Variants in MICU1 observed in about 807,000 individuals in gnomAD.
MICU1 encodes the protein mitochondrial calcium uptake 1, also known as calcium uptake protein 1, mitochondrial.
In MICU1, 45 loss-of-function variants were observed where a neutral mutation model predicts 56.8. That is an observed-to-expected ratio of 0.79 (90% CI 0.62 to 1.02). The LOEUF is 1.02. MICU1 is among the 50% of genes least tolerant of loss of function. MICU1 has a pLI of 0.00. For synonymous variants in MICU1, 186 were observed against 195.1 expected, an observed-to-expected ratio of 0.95 and a Z score of 0.39; for missense variants, 504 against 587.1, an observed-to-expected ratio of 0.86 and a Z score of 1.46.
At chr10:72,422,371 T>C (rs1864203508) in intron 9 of MICU1, among the ~76,000 whole-genome samples, 1 of 152,218 alleles carries the variant, frequency 6.6e-6, no homozygotes, top group Non-Finnish European at 1.5e-5. Context: ...AAATTTTTCC[T>C]GTTAAAGCCA....
At chr10:72,371,386 CAAA>C (rs56014491) in intron 11 of MICU1, among the ~76,000 whole-genome samples, 8,141 of 91,422 alleles carry the variant, frequency 0.089, 506 homozygotes, top group African/African-American at 0.24. Flanking sequence ...GACTCCGTCT[CAAA>C]AAAAAAAAAA....
At chr10:72,512,238 A>C (rs575587682) in intron 5 of MICU1, among the ~76,000 whole-genome samples, 1 of 150,796 alleles carries the variant, frequency 6.6e-6, no homozygotes, top group African/African-American at 2.4e-5. Context: ...CAGCCTCCCA[A>C]GTAGCGGGAT....
chr10:72,429,419 C>CAA (rs34154785), intron 8 of MICU1, among the ~76,000 whole-genome samples: 67,517 of 112,838 alleles, frequency 0.6, 19,510 homozygotes, highest in Non-Finnish European at 0.69. Context: ...GATCCTGCCT[C>CAA]AAAAAAAAAA....
chr10:72,612,599 C>T (rs1841879984), intron 1 of MICU1, among the ~76,000 whole-genome samples: 1 of 152,080 alleles, frequency 6.6e-6, no homozygotes, highest in African/African-American at 2.4e-5. Context: ...AAGTTCCTAA[C>T]CACTCTGGGC....
intron 8 of MICU1, among the ~76,000 whole-genome samples, chr10:72,441,615 C>CTTTTTTT (rs71018287): frequency 2.2e-4 from 23 of 105,474 alleles, no homozygotes; most frequent in Non-Finnish European, 3.2e-4. Flanking sequence ...TTTAATTTTT[C>CTTTTTTT]TTTTTTTTTT....
chr10:72,597,776 GAT>G (rs1167805731), intron 1 of MICU1, among the ~76,000 whole-genome samples: 1 of 152,154 alleles, frequency 6.6e-6, no homozygotes, highest in African/African-American at 2.4e-5. Flanking sequence ...GTGCACAAAA[GAT>G]ATATTGCAGC....
intron 10 of MICU1, among the ~76,000 whole-genome samples, chr10:72,399,891 G>A (rs1467550914): frequency 1.3e-5 from 2 of 152,196 alleles, no homozygotes; most frequent in African/African-American, 4.8e-5. Flanking sequence ...CCAGGAGGCT[G>A]AGGTTGCAGT....
rs781494868 is a variant in MICU1, at chr10:72,508,231, G to A, written c.576C>T (p.Gly192=). The stretch of plus-strand genomic sequence containing the variant: ...ATTCTCCAAGGGTGTAAAATATACT[G>A]CCTTCATCAGCAAATTTTTCTCGTT... ...SQEREKFADE[G]SIFYTLGECG... is the part of the protein sequence containing the mutation. Residue 192 remains glycine, a synonymous_variant, in exon 6 of 12, where the codon GGC becomes GGT. Transcript: ENST00000361114. The A allele has an allele frequency of 3.9e-6, 6 of 1,529,374 alleles. No individual in the cohort carries two copies. The highest frequency in any genetic ancestry group is 1.7e-5 in the Admixed American group (1 of 57,652). The allele number at this position is 1,529,374 out of a possible 1,614,324, so 94.7% of individuals were successfully genotyped here.
At chr10:72,539,538 A>T (rs1839717043) in intron 4 of MICU1, among the ~76,000 whole-genome samples, 1 of 152,222 alleles carries the variant, frequency 6.6e-6, no homozygotes, top group Non-Finnish European at 1.5e-5. Context: ...TTATTGAGAC[A>T]AACAAAAATG....
intron 2 of MICU1, among the ~76,000 whole-genome samples, chr10:72,563,859 C>G (rs915857829): frequency 2.0e-5 from 3 of 152,130 alleles, no homozygotes; most frequent in East Asian, 1.9e-4. Flanking sequence ...TCATTCTCCC[C>G]TTGTCCCAAC....
intron 10 of MICU1, among the ~76,000 whole-genome samples, chr10:72,384,317 C>T (rs1862819378): frequency 6.6e-6 from 1 of 152,024 alleles, no homozygotes; most frequent in African/African-American, 2.4e-5. Flanking sequence ...TTAAACCTTC[C>T]GAGGCTTCTC....
chr10:72,496,322 GAC>G (rs1189194704), intron 6 of MICU1, among the ~76,000 whole-genome samples: 21 of 143,940 alleles, frequency 1.5e-4, no homozygotes, highest in Admixed American at 8.4e-4. Context: ...TTTTTTCCGA[GAC>G]AGAGTCTTGT....
chr10:72,514,923 T>A (rs1351476049), intron 5 of MICU1, among the ~76,000 whole-genome samples: 1 of 152,200 alleles, frequency 6.6e-6, no homozygotes, highest in African/African-American at 2.4e-5. Context: ...GGCTATTTGG[T>A]TTGTCTGCTT....
chr10:72,597,292 C>T (rs1328493534), intron 1 of MICU1, among the ~76,000 whole-genome samples: 1 of 152,146 alleles, frequency 6.6e-6, no homozygotes, highest in Non-Finnish European at 1.5e-5. Flanking sequence ...TCCCATAATC[C>T]TTCCTACTTG....
chr10:72,402,602 A>G (rs1444873290), intron 10 of MICU1, among the ~76,000 whole-genome samples: 1 of 152,184 alleles, frequency 6.6e-6, no homozygotes, highest in African/African-American at 2.4e-5. Context: ...ACAAAAAACA[A>G]AAACAAAAAA....
intron 9 of MICU1, among the ~76,000 whole-genome samples, chr10:72,416,277 G>A (rs900958421): frequency 5.9e-5 from 9 of 152,134 alleles, no homozygotes; most frequent in Non-Finnish European, 1.3e-4. Context: ...TCCTTTGGGG[G>A]AAGTACAGGT....
At chr10:72,384,312 C>A (rs1017274727) in intron 10 of MICU1, among the ~76,000 whole-genome samples, 1 of 152,104 alleles carries the variant, frequency 6.6e-6, no homozygotes, top group African/African-American at 2.4e-5. Context: ...TCTTATTAAA[C>A]CTTCCGAGGC....
At chr10:72,409,218 T>C (rs942066632) in intron 9 of MICU1, among the ~76,000 whole-genome samples, 4 of 152,244 alleles carry the variant, frequency 2.6e-5, no homozygotes, top group Admixed American at 6.5e-5. Flanking sequence ...GAGCTGCAGA[T>C]GTAGACTGGC....
At chr10:72,586,736 T>C (rs1244349992) in intron 1 of MICU1, among the ~76,000 whole-genome samples, 1 of 152,106 alleles carries the variant, frequency 6.6e-6, no homozygotes, top group Non-Finnish European at 1.5e-5. Context: ...GCTCCTGGAA[T>C]ACTAATTTAA....
Sources: gnomAD v4.1 joint callset for allele counts (sites outside exome capture counted in the v4.1 genomes callset) on GRCh38, gnomAD v4.1.1 for gene constraint, MANE v1.5 for transcripts, NCBI Gene and HGNC (gene_info 2026-07-23, HGNC 2026-07-21) for gene names.